MGAT4C: variants seen among roughly 807,000 people sequenced by gnomAD.
MGAT4C encodes alpha-1,3-mannosyl-glycoprotein 4-beta-N-acetylglucosaminyltransferase C.
In MGAT4C, 19 loss-of-function variants were observed where a neutral mutation model predicts 40.1. The observed-to-expected ratio is 0.47, with a 90% CI of 0.33 to 0.70. The LOEUF is 0.70. Ranked by LOEUF, MGAT4C falls within the 30% of genes least tolerant of loss-of-function variation. The pLI is 0.02. For missense variants in MGAT4C, 491 were observed against 563.2 expected, an observed-to-expected ratio of 0.87 and a Z score of 1.30; for synonymous variants, 181 against 187.1, an observed-to-expected ratio of 0.97 and a Z score of 0.27.
intron 1 of MGAT4C, among the ~76,000 whole-genome samples, chr12:86,180,346 C>T (rs1203977735): frequency 1.2e-4 from 19 of 152,190 alleles, no homozygotes; most frequent in Non-Finnish European, 2.6e-4. Flanking sequence ...AAGGGAAATA[C>T]GGGGTCGGAT....
intron 4 of MGAT4C, among the ~76,000 whole-genome samples, chr12:86,275,970 A>T (rs1449810959): frequency 7.0e-6 from 1 of 143,088 alleles, no homozygotes; most frequent in Admixed American, 7.0e-5. Flanking sequence ...AAAAAAAAAA[A>T]AAATTAGCCG....
chr12:86,704,225 T>G lies in MGAT4C; in HGVS notation c.-229+22984A>C, dbSNP rs150860009. On this transcript the variant is annotated intron_variant, in intron 2 of 7. Coordinates refer to the MGAT4C transcript ENST00000548651. Reference sequence around the variant, plus strand: ...TTATCTGTATTCTTGGGTATCAAGTTTTACCACCTTGGAAGAAAAAAGTTA... The same window carrying G: ...TTATCTGTATTCTTGGGTATCAAGTGTTACCACCTTGGAAGAAAAAAGTTA... 5.7e-3 allele frequency among the ~76,000 whole-genome samples: 864 copies of G among 152,212 alleles called. 5 individuals carry two copies. Among genetic ancestry groups the G allele is most frequent in the African/African-American group, 0.02 (839 of 41,536 alleles).
At chr12:86,141,261 G>A (rs1377511423) in intron 1 of MGAT4C, among the ~76,000 whole-genome samples, 1 of 152,076 alleles carries the variant, frequency 6.6e-6, no homozygotes, top group African/African-American at 2.4e-5. Flanking sequence ...TTTTTACAAA[G>A]GATACAATTC....
intron 2 of MGAT4C, among the ~76,000 whole-genome samples, chr12:86,500,088 GA>G (rs903131264): frequency 1.3e-5 from 2 of 149,866 alleles, no homozygotes; most frequent in Non-Finnish European, 3.0e-5. Context: ...CATCGGAAAT[GA>G]AAAAAAAATT....
At chr12:86,572,351 T>G (rs1346552713) in intron 2 of MGAT4C, among the ~76,000 whole-genome samples, 2 of 152,140 alleles carry the variant, frequency 1.3e-5, no homozygotes, top group African/African-American at 4.8e-5. Context: ...CTATTCCTTT[T>G]GTACTCAATC....
intron 2 of MGAT4C, among the ~76,000 whole-genome samples, chr12:86,571,124 C>T (rs1369414417): frequency 1.3e-5 from 2 of 152,056 alleles, no homozygotes; most frequent in African/African-American, 4.8e-5. Flanking sequence ...CCTCTTTTAA[C>T]TTTAATCACT....
At chr12:86,456,710 G>A (rs1451733646) in intron 2 of MGAT4C, among the ~76,000 whole-genome samples, 3 of 152,036 alleles carry the variant, frequency 2.0e-5, no homozygotes, top group East Asian at 3.9e-4. Flanking sequence ...AGCCTGAAAA[G>A]GGGGCAAATT....
intron 2 of MGAT4C, chr12:86,495,210 CACA>C (rs1276077670): frequency 6.6e-6 from 1 of 152,008 alleles, no homozygotes; most frequent in Non-Finnish European, 1.5e-5. Flanking sequence ...GCAGACCACA[CACA>C]ACATTTAAAC....
intron 3 of MGAT4C, among the ~76,000 whole-genome samples, chr12:86,351,977 CTTA>C (rs1217423776): frequency 4.6e-5 from 7 of 151,984 alleles, no homozygotes; most frequent in Non-Finnish European, 1.5e-5. Context: ...TCTTCCTCTT[CTTA>C]TAATAAATGT....
At chr12:86,804,184 C>T (rs1952295346) in intron 1 of MGAT4C, among the ~76,000 whole-genome samples, 1 of 149,828 alleles carries the variant, frequency 6.7e-6, no homozygotes, top group Admixed American at 6.7e-5. Flanking sequence ...CCAAACACTG[C>T]ATATTCTCAC....
intron 4 of MGAT4C, among the ~76,000 whole-genome samples, chr12:86,276,745 C>T (rs535040030): frequency 6.6e-6 from 1 of 152,146 alleles, no homozygotes; most frequent in Admixed American, 6.5e-5. Context: ...TCCATCCATG[C>T]CGTTGCAAAT....
chr12:86,243,200 A>G (rs1288622246), intron 1 of MGAT4C, among the ~76,000 whole-genome samples: 2 of 152,034 alleles, frequency 1.3e-5, no homozygotes, highest in Non-Finnish European at 2.9e-5. Context: ...CCAATAATCA[A>G]TTTTTCTTGG....
At chr12:86,642,524 A>C (rs1310533338) in intron 2 of MGAT4C, among the ~76,000 whole-genome samples, 1 of 151,844 alleles carries the variant, frequency 6.6e-6, no homozygotes, top group Non-Finnish European at 1.5e-5. Flanking sequence ...AAGGGCTTCA[A>C]GCTCCAGCAT....
At position 85,956,069 on chromosome 12, in the gene MGAT4C, A is replaced by G. The variant is rs1882777779; in HGVS notation, c.*23220T>C. 6.6e-6 allele frequency: 1 copy of G among 152,218 alleles called. No individual in the cohort carries two copies. Among genetic ancestry groups the G allele is most frequent in the Non-Finnish European group, 1.5e-5 (1 of 68,024 alleles). 9.4% of individuals were successfully genotyped at this position (152,218 alleles called of 1,614,324 possible). On this transcript the variant is annotated 3_prime_UTR_variant, in exon 5 of 5. Coordinates refer to ENST00000611864, the MANE Select transcript of MGAT4C (RefSeq NM_001351288.2). ...AGTCTGATTTTTACAAAACTAGATT[A>G]ATGAAAAATCACGACTGAAATCACT...
chr12:86,537,384 A>T lies in MGAT4C; in HGVS notation c.-228-102119T>A, dbSNP rs1157284290. ...CTTAAAGTATAACAAAAAAAAAACA[A>T]CAGTTAAGGCTTTTTCATACTTGTT... On this transcript the variant is annotated intron_variant, in intron 2 of 7. Transcript: ENST00000548651. Among the ~76,000 whole-genome samples the T allele has an allele frequency of 2.6e-5, 4 of 151,956 alleles. No individual in the cohort carries two copies. In the South Asian group the frequency reaches 8.3e-4, roughly 32 times the overall value.
intron 3 of MGAT4C, among the ~76,000 whole-genome samples, chr12:86,420,633 C>T (rs549142187): frequency 6.6e-6 from 1 of 151,952 alleles, no homozygotes; most frequent in African/African-American, 2.4e-5. Flanking sequence ...CCACATTTTG[C>T]TTTGAGATGT....
At position 86,034,765 on chromosome 12, in the gene MGAT4C, T is replaced by A. The variant is rs966492733; in HGVS notation, c.-7+14909A>T. 4.0e-5 allele frequency among the ~76,000 whole-genome samples: 6 copies of A among 149,388 alleles called. No individual in the cohort carries two copies. In the South Asian group the frequency reaches 1.1e-3, roughly 26 times the overall value. ...CCCCAACAGGTTCCGGTGTGTGATG[T>A]TCCCCTCCCTGTGTCCATGTGTTCT... On this transcript the variant is annotated intron_variant, in intron 2 of 4. Coordinates refer to ENST00000611864, the MANE Select transcript of MGAT4C (RefSeq NM_001351288.2).
intron 1 of MGAT4C, among the ~76,000 whole-genome samples, chr12:86,764,715 C>G (rs565258882): frequency 6.6e-6 from 1 of 152,060 alleles, no homozygotes. Flanking sequence ...CAGGAAAATC[C>G]GCTGTTCTGC....
Position 86,773,945 on chromosome 12 carries a change from CTTTTTTTTTTT to C in MGAT4C, c.-261-46715_-261-46705del, listed in dbSNP as rs140530916. Among the ~76,000 whole-genome samples the C allele has an allele frequency of 2.7e-4, 16 of 58,472 alleles. No individual in the cohort carries two copies. In the South Asian group the frequency reaches 5.6e-3, roughly 21 times the overall value. The allele number at this position is 58,472 out of a possible 152,430, so 38.4% of individuals were successfully genotyped here. Reference sequence around the variant, plus strand: ...GGTTCACATTTTTTTAAAGTAACTTCTTTTTTTTTTTTTTTTTTTTTTTTTTGAGTGGGAGT... The same window carrying C: ...GGTTCACATTTTTTTAAAGTAACTTCTTTTTTTTTTTTTTTGAGTGGGAGT... On this transcript the variant is annotated intron_variant, in intron 1 of 7. Coordinates refer to the MGAT4C transcript ENST00000548651.
Sources: gnomAD v4.1 joint callset for allele counts (sites outside exome capture counted in the v4.1 genomes callset) on GRCh38, gnomAD v4.1.1 for gene constraint, MANE v1.5 for transcripts, NCBI Gene and HGNC (gene_info 2026-07-23, HGNC 2026-07-21) for gene names.